The following KDM1B variants were observed in gnomAD, a reference collection of about 807,000 sequenced individuals.
The protein encoded by KDM1B is lysine demethylase 1B.
A neutral mutation model predicts 107.4 loss-of-function variants in KDM1B; 63 were observed. The ratio of observed to expected loss-of-function variants is 0.59; its 90% confidence interval spans 0.48 to 0.72. KDM1B has a LOEUF of 0.72. KDM1B is among the 30% of genes least tolerant of loss of function. The pLI, the probability that KDM1B is intolerant of heterozygous loss-of-function variation, is 0.00. For missense variants in KDM1B, 749 were observed against 1,020.8 expected, an observed-to-expected ratio of 0.73 and a Z score of 3.63; for synonymous variants, 363 against 363.9, an observed-to-expected ratio of 1.00 and a Z score of 0.03.
chr6:18,175,727 C>A (rs1468421890), intron 7 of KDM1B, among the ~76,000 whole-genome samples: 1 of 152,120 alleles, frequency 6.6e-6, no homozygotes, highest in African/African-American at 2.4e-5. Context: ...TAAAGAGTGT[C>A]CTTTCCCCAC....
At chr6:18,174,759 A>G (rs1432884875) in intron 7 of KDM1B, among the ~76,000 whole-genome samples, 2 of 152,296 alleles carry the variant, frequency 1.3e-5, no homozygotes, top group African/African-American at 2.4e-5. Context: ...ATAGTCTCCT[A>G]TCTCATCCAG....
rs369022913 is a variant in KDM1B, at chr6:18,202,700, A to G, written c.1531+1043A>G. Among the ~76,000 whole-genome samples the G allele has an allele frequency of 2.6e-5, 4 of 152,288 alleles. No individual in the cohort carries two copies. The South Asian group carries it at 6.2e-4, about 24-fold the overall frequency. ...GTATGTTTCTTTGCAAGAGCTCTCA[A>G]TTCTTCAGGCTGATATACAGTTCAT... On this transcript the variant is annotated intron_variant, in intron 14 of 21. Transcript: ENST00000650836.
At position 18,204,080 on chromosome 6, in the gene KDM1B, C is replaced by T. The variant is rs137900309; in HGVS notation, c.1532-1457C>T. On this transcript the variant is annotated intron_variant, in intron 14 of 21. Coordinates refer to ENST00000650836, the MANE Select transcript of KDM1B (RefSeq NM_001364614.2). The surrounding 1 kb of genome is among the most constrained non-coding windows in gnomAD (Gnocchi z 4.9). ...CAAATCTGGAGGCCTCTTGGGCATC[C>T]GCATGTTACAATCTAGTGCAAGAAC... is the stretch of plus-strand genomic sequence containing the variant. 4.4e-3 allele frequency among the ~76,000 whole-genome samples: 675 copies of T among 152,064 alleles called. 7 individuals carry two copies. The highest frequency in any genetic ancestry group is 9.2e-3 in the Admixed American group (141 of 15,264).
intron 6 of KDM1B, among the ~76,000 whole-genome samples, chr6:18,170,482 G>A (rs970195381): frequency 2.6e-5 from 4 of 151,582 alleles, no homozygotes; most frequent in East Asian, 1.9e-4. Context: ...TTTATTTTAC[G>A]CTGATTTTTT....
At chr6:18,195,977 A>G (rs1310889198) in intron 10 of KDM1B, among the ~76,000 whole-genome samples, 1 of 152,102 alleles carries the variant, frequency 6.6e-6, no homozygotes, top group Non-Finnish European at 1.5e-5. Flanking sequence ...TTTGACCAAC[A>G]TCTCCCCGCT....
intron 7 of KDM1B, among the ~76,000 whole-genome samples, chr6:18,181,623 G>A (rs1786485608): frequency 6.6e-6 from 1 of 152,090 alleles, no homozygotes; most frequent in Non-Finnish European, 1.5e-5. Flanking sequence ...ACGCGCTCCT[G>A]TAGTCCCGGC....
At position 18,214,061 on chromosome 6, in the gene KDM1B, A is replaced by G. The variant is rs1789046295; in HGVS notation, c.2109+280A>G. Among the ~76,000 whole-genome samples, 1 of 152,096 alleles carries G rather than the reference A, an allele frequency of 6.6e-6. No homozygotes were observed. Among genetic ancestry groups the G allele is most frequent in the African/African-American group, 2.4e-5 (1 of 41,410 alleles). ...GCTATGGGGGAATTCCTCTTAGGTGAAGTTGGAGACATCAGAGTCAATGAG... is the reference window on the plus strand; with the variant it reads ...GCTATGGGGGAATTCCTCTTAGGTGGAGTTGGAGACATCAGAGTCAATGAG... On this transcript the variant is annotated intron_variant, in intron 19 of 21. Transcript: ENST00000650836. The surrounding 1 kb of genome is among the most constrained non-coding windows in gnomAD (Gnocchi z 4.4).
chr6:18,181,148 A>G (rs1281774569), intron 7 of KDM1B, among the ~76,000 whole-genome samples: 1 of 152,204 alleles, frequency 6.6e-6, no homozygotes, highest in Non-Finnish European at 1.5e-5. Flanking sequence ...GCAATATAGA[A>G]AAGAACAAAG....
chr6:18,213,573 A>G lies in KDM1B; in HGVS notation c.1984-83A>G. 7.1e-7 allele frequency: 1 copy of G among 1,410,932 alleles called. No individual in the cohort carries two copies. Among genetic ancestry groups the G allele is most frequent in the Non-Finnish European group, 1.0e-6 (1 of 1,003,222 alleles). 87.4% of individuals were successfully genotyped at this position (1,410,932 alleles called of 1,614,324 possible). A position where few individuals can be genotyped will look rare whatever the true frequency, so the allele number is the denominator to read the frequency against. ...TCGGGCAGTGTCTTTGTTTTAGAGTAGAGCTACAGGTTGCTGCTTAGATAT... is the reference window on the plus strand; with the variant it reads ...TCGGGCAGTGTCTTTGTTTTAGAGTGGAGCTACAGGTTGCTGCTTAGATAT... On this transcript the variant is annotated intron_variant, in intron 18 of 21. Transcript: ENST00000650836. The surrounding 1 kb of genome is among the most constrained non-coding windows in gnomAD (Gnocchi z 5.9).
Position 18,171,479 on chromosome 6 carries a change from G to A in KDM1B, c.534G>A (p.Lys178=). Residue 178 remains lysine, a splice_region_variant and synonymous_variant, in exon 7 of 22, where the codon AAG becomes AAA. Coordinates refer to ENST00000650836, the MANE Select transcript of KDM1B (RefSeq NM_001364614.2). ...RCGMKPNTAI[K]PETSDHCSLP... is the part of the protein sequence containing the mutation. ...GTATGAAACCAAATACTGCTATTAA[G>A]GTATGTTCTCTTTTTGCTTTTGAGT... The A allele has an allele frequency of 1.3e-6, 2 of 1,512,272 alleles. No individual in the cohort carries two copies. The highest frequency in any genetic ancestry group is 1.8e-6 in the Non-Finnish European group (2 of 1,087,040). The allele number at this position is 1,512,272 out of a possible 1,614,324, so 93.7% of individuals were successfully genotyped here.
Position 18,212,302 on chromosome 6 carries a change from T to A in KDM1B, c.1867-186T>A. The A allele has an allele frequency of 3.2e-6, 2 of 630,942 alleles. No individual in the cohort carries two copies. The highest frequency in any genetic ancestry group is 2.6e-5 in the East Asian group (1 of 38,442). 39.1% of individuals were successfully genotyped at this position (630,942 alleles called of 1,614,324 possible). On this transcript the variant is annotated intron_variant, in intron 17 of 21. Coordinates refer to ENST00000650836, the MANE Select transcript of KDM1B (RefSeq NM_001364614.2). This position sits in a 1 kb window ranked among gnomAD's most constrained non-coding sequence, Gnocchi z 5.2. ...CACCATCAGGACGTTTTTTGCCCAC[T>A]CTTCCCTGTGGTTGCCACTTCTGCT... is the stretch of plus-strand genomic sequence containing the variant.
intron 7 of KDM1B, among the ~76,000 whole-genome samples, chr6:18,179,024 A>T (rs565084990): frequency 2.3e-4 from 35 of 152,342 alleles, no homozygotes; most frequent in African/African-American, 7.5e-4. Flanking sequence ...GTATCGTCAT[A>T]TACAGTGTTG....
chr6:18,163,483 TTTTA>T (rs1405977131), intron 5 of KDM1B, among the ~76,000 whole-genome samples: 1 of 152,208 alleles, frequency 6.6e-6, no homozygotes, highest in Non-Finnish European at 1.5e-5. Flanking sequence ...AGGTTTAATT[TTTTA>T]TTTCTCTAGT....
At chr6:18,217,417 T>G (rs214581) in intron 20 of KDM1B, among the ~76,000 whole-genome samples, 3 of 149,258 alleles carry the variant, frequency 2.0e-5, no homozygotes, top group African/African-American at 5.0e-5. Flanking sequence ...CTGGCTCTGT[T>G]GCCCAGGCTG....
chr6:18,185,582 G>A (rs12194278), intron 7 of KDM1B, among the ~76,000 whole-genome samples, 190 bp from the exon 8 acceptor site: 2,516 of 152,042 alleles, frequency 0.017, 40 homozygotes, highest in Non-Finnish European at 0.024. Flanking sequence ...TCAACCTCCC[G>A]AAGTGCTGGG....
intron 6 of KDM1B, among the ~76,000 whole-genome samples, chr6:18,166,747 A>G (rs1482587236): frequency 1.3e-5 from 2 of 151,702 alleles, no homozygotes; most frequent in African/African-American, 4.8e-5. Context: ...CCATCTACTC[A>G]TCAGGTTGAG....
At position 18,197,641 on chromosome 6, in the gene KDM1B, C is replaced by T. The variant is rs1395785667; in HGVS notation, c.1201C>T (p.Leu401=). The T allele has an allele frequency of 4.3e-6, 7 of 1,613,788 alleles. 1 individual carries two copies. The Admixed American group carries it at 1.2e-4, about 27-fold the overall frequency. The change falls in exon 12 of 22, where the codon CTG becomes TTG. Residue 401 remains leucine (L), a synonymous_variant. Transcript: ENST00000650836. This position sits in a 1 kb window ranked among gnomAD's most constrained non-coding sequence, Gnocchi z 4.5. ...GPAGLAAARQ[L]HNFGIKVTVL... is the part of the protein sequence containing the mutation. Reference sequence around the variant, plus strand: ...AGCAGGATTAGCAGCTGCTAGGCAACTGCATAACTTTGGAATTAAGGTAGG... The same window carrying T: ...AGCAGGATTAGCAGCTGCTAGGCAATTGCATAACTTTGGAATTAAGGTAGG...
chr6:18,206,303 C>A (rs1788367581), intron 15 of KDM1B, among the ~76,000 whole-genome samples: 1 of 151,848 alleles, frequency 6.6e-6, no homozygotes, highest in Non-Finnish European at 1.5e-5. Flanking sequence ...ATTGTTTGAG[C>A]CCAGGAGTTC....
At chr6:18,188,490 T>C (rs921414138) in intron 9 of KDM1B, among the ~76,000 whole-genome samples, 3 of 152,242 alleles carry the variant, frequency 2.0e-5, no homozygotes, top group Admixed American at 1.3e-4. Context: ...TTCAACTATA[T>C]GAGCAGTCCT....
Sources: allele counts gnomAD v4.1 joint callset (sites outside exome capture counted in the v4.1 genomes callset), GRCh38; gene constraint gnomAD v4.1.1; non-coding constraint Gnocchi (gnomAD v3.1); transcripts MANE v1.5; gene names NCBI Gene and HGNC (gene_info 2026-07-23, HGNC 2026-07-21).